The following ADAMTS12 variants were observed in gnomAD, a reference collection of about 807,000 sequenced individuals.
ADAMTS12 encodes ADAM metallopeptidase with thrombospondin type 1 motif 12, also known as A disintegrin and metalloproteinase with thrombospondin motifs 12.
Under a neutral mutation model 167.8 loss-of-function variants are expected in ADAMTS12, and 118 were observed. The ratio of observed to expected loss-of-function variants is 0.70; its 90% confidence interval spans 0.61 to 0.82. The LOEUF (loss-of-function observed/expected upper bound fraction) is 0.82, where lower values mean the gene tolerates loss of function less well. ADAMTS12 is among the 40% of genes least tolerant of loss of function. The pLI is 0.00. For missense variants in ADAMTS12, 1,916 were observed against 1,998.8 expected, an observed-to-expected ratio of 0.96 and a Z score of 0.79; for synonymous variants, 704 against 716.9, an observed-to-expected ratio of 0.98 and a Z score of 0.29.
rs1423962359 is a variant in ADAMTS12, at chr5:33,576,984, T to A, written c.3042A>T (p.Lys1014Asn). The change falls in exon 19 of 24, where the codon AAA becomes AAT. Residue 1014 changes from lysine (K) to asparagine (N), a missense_variant. Lys to Asn is a moderately conservative substitution (Grantham distance 94). Coordinates refer to ENST00000504830, the MANE Select transcript of ADAMTS12 (RefSeq NM_030955.4). ...KPNKGTISNGKNPPTLKPVPP... is the reference protein window; with the variant it reads ...KPNKGTISNGNNPPTLKPVPP... ...GGACGGGCTTTAGTGTTGGTGGGTT[T>A]TTTCCATTGGAAATAGTGCCTTTGT... 2 of 1,614,056 alleles carry A rather than the reference T, an allele frequency of 1.2e-6. No homozygotes were observed. The highest frequency in any genetic ancestry group is 2.7e-5 in the African/African-American group (2 of 74,914).
chr5:33,535,147 T>C (rs1261472032), intron 22 of ADAMTS12, among the ~76,000 whole-genome samples, 155 bp from the exon 23 acceptor site: 1 of 152,180 alleles, frequency 6.6e-6, no homozygotes, highest in South Asian at 2.1e-4. Flanking sequence ...GCACTAATAA[T>C]TTGGAGATGT....
At chr5:33,663,132 C>G (rs528568751) in intron 5 of ADAMTS12, among the ~76,000 whole-genome samples, 12 of 152,224 alleles carry the variant, frequency 7.9e-5, no homozygotes, top group Non-Finnish European at 1.6e-4. Context: ...GTGAAAACAC[C>G]GAAAGGTGGC....
intron 16 of ADAMTS12, among the ~76,000 whole-genome samples, chr5:33,611,931 T>TA (rs1416527380): frequency 2.6e-5 from 4 of 152,206 alleles, no homozygotes; most frequent in African/African-American, 4.8e-5. Flanking sequence ...GTGCATGTGT[T>TA]AGAGTGGTGA....
intron 22 of ADAMTS12, among the ~76,000 whole-genome samples, chr5:33,544,400 T>G (rs140301399): frequency 0.014 from 2,081 of 151,020 alleles, 46 homozygotes; most frequent in African/African-American, 0.049. Context: ...TACTCATGGA[T>G]AGGAAGAATC....
At chr5:33,555,397 G>T (rs906001185) in intron 20 of ADAMTS12, among the ~76,000 whole-genome samples, 1 of 152,054 alleles carries the variant, frequency 6.6e-6, no homozygotes, top group Admixed American at 6.6e-5. Flanking sequence ...GGCATGTGCT[G>T]TACCAAGCCG....
chr5:33,697,332 TGA>T (rs1344745848), intron 3 of ADAMTS12, among the ~76,000 whole-genome samples: 5 of 151,868 alleles, frequency 3.3e-5, no homozygotes, highest in African/African-American at 1.2e-4. Flanking sequence ...TCACTAAGAG[TGA>T]TGAGAGGCAT....
chr5:33,711,313 C>A (rs1743395282), intron 3 of ADAMTS12, among the ~76,000 whole-genome samples: 1 of 152,148 alleles, frequency 6.6e-6, no homozygotes, highest in South Asian at 2.1e-4. Flanking sequence ...GGGTGTCCAC[C>A]CTCGGTGACC....
chr5:33,820,308 A>T (rs1317051623), intron 2 of ADAMTS12, among the ~76,000 whole-genome samples: 1 of 152,198 alleles, frequency 6.6e-6, no homozygotes, highest in African/African-American at 2.4e-5. Flanking sequence ...AATTAAACAT[A>T]AAGCAAACTG....
At chr5:33,693,061 A>G (rs1448913899) in intron 3 of ADAMTS12, among the ~76,000 whole-genome samples, 1 of 152,220 alleles carries the variant, frequency 6.6e-6, no homozygotes, top group Non-Finnish European at 1.5e-5. Context: ...AGGGTCAGCA[A>G]GTCTGTTAGT....
rs147958948 is a variant in ADAMTS12 at position 33,574,708 on chromosome 5, T to C, written c.3972+1346A>G. Among the ~76,000 whole-genome samples the C allele has an allele frequency of 9.4e-3, 1,438 of 152,210 alleles. 30 individuals are homozygous for C. Among genetic ancestry groups the C allele is most frequent in the African/African-American group, 0.033 (1,354 of 41,520 alleles). ...CACATGTATACATATGTAACAAACA[T>C]GCACATTGTGCACATGTACCCTAAA... On this transcript the variant is annotated intron_variant, in intron 19 of 23. Coordinates refer to ENST00000504830, the MANE Select transcript of ADAMTS12 (RefSeq NM_030955.4).
At chr5:33,823,665 TAAG>T (rs1356826751) in intron 2 of ADAMTS12, among the ~76,000 whole-genome samples, 7 of 151,230 alleles carry the variant, frequency 4.6e-5, no homozygotes, top group Non-Finnish European at 7.4e-5. Context: ...TTTTTTTTTT[TAAG>T]AAGAAGAAAC....
intron 3 of ADAMTS12, among the ~76,000 whole-genome samples, chr5:33,720,957 G>A (rs968474573): frequency 3.9e-5 from 6 of 152,132 alleles, no homozygotes; most frequent in African/African-American, 1.4e-4. Flanking sequence ...TAGTTTTATA[G>A]CCCAAATGAA....
intron 7 of ADAMTS12, 50 bp from the exon 8 acceptor site, chr5:33,649,747 C>T (rs747739801): frequency 6.3e-7 from 1 of 1,598,286 alleles, no homozygotes; most frequent in Non-Finnish European, 8.5e-7. Context: ...AGGCATTAAA[C>T]AGGAAGAAAA....
At chr5:33,662,661 G>C (rs941783271) in intron 5 of ADAMTS12, among the ~76,000 whole-genome samples, 4 of 152,206 alleles carry the variant, frequency 2.6e-5, no homozygotes, top group Non-Finnish European at 5.9e-5. Context: ...TGAGGCCTAT[G>C]CCAGCCCTGT....
At chr5:33,693,513 G>A (rs941226884) in intron 3 of ADAMTS12, among the ~76,000 whole-genome samples, 7 of 152,180 alleles carry the variant, frequency 4.6e-5, no homozygotes, top group African/African-American at 1.7e-4. Context: ...TATAAAAATA[G>A]TATGTATGTT....
At chr5:33,865,452 T>C (rs1053129305) in intron 2 of ADAMTS12, among the ~76,000 whole-genome samples, 9 of 152,122 alleles carry the variant, frequency 5.9e-5, no homozygotes, top group Admixed American at 3.3e-4. Flanking sequence ...AAACGAGGCA[T>C]AGAATGGACA....
intron 9 of ADAMTS12, among the ~76,000 whole-genome samples, chr5:33,645,941 A>G (rs1447427204): frequency 6.6e-6 from 1 of 152,224 alleles, no homozygotes; most frequent in Non-Finnish European, 1.5e-5. Flanking sequence ...AAAACCTAAA[A>G]TATAGTCTAA....
At chr5:33,725,917 G>A (rs1364278335) in intron 3 of ADAMTS12, among the ~76,000 whole-genome samples, 1 of 152,186 alleles carries the variant, frequency 6.6e-6, no homozygotes, top group Non-Finnish European at 1.5e-5. Flanking sequence ...TTCCCCGGGG[G>A]ATTCTGATGC....
rs570838409 is a variant in ADAMTS12 at position 33,671,389 on chromosome 5, A to T, written c.916-9349T>A. 1.4e-4 allele frequency among the ~76,000 whole-genome samples: 22 copies of T among 152,292 alleles called. No individual in the cohort carries two copies. The South Asian group carries it at 1.9e-3, about 13-fold the overall frequency. The stretch of plus-strand genomic sequence containing the variant: ...ATCACATTCTGAGTTGTCATATTGT[A>T]CTAAGATTACACAAGATGTTACCAT... On this transcript the variant is annotated intron_variant, in intron 5 of 23. Coordinates refer to ENST00000504830, the MANE Select transcript of ADAMTS12 (RefSeq NM_030955.4).
Sources: gnomAD v4.1 joint callset for allele counts (sites outside exome capture counted in the v4.1 genomes callset) on GRCh38, gnomAD v4.1.1 for gene constraint, MANE v1.5 for transcripts, NCBI Gene and HGNC (gene_info 2026-07-23, HGNC 2026-07-21) for gene names.